Variants in CCDC91 observed in about 807,000 individuals in gnomAD.
CCDC91 encodes the protein coiled-coil domain containing 91.
CCDC91 carries 48 observed loss-of-function variants against 63.2 expected under a neutral mutation model. The observed-to-expected ratio is 0.76, with a 90% CI of 0.60 to 0.97. CCDC91 has a LOEUF of 0.97. CCDC91 is among the 50% of genes least tolerant of loss of function. The probability of loss-of-function intolerance (pLI) is 0.00; values close to 1 mark genes in which losing one functional copy is unlikely to be tolerated. For synonymous variants in CCDC91, 167 were observed against 165.8 expected (o/e 1.01, Z -0.06); for missense variants, 500 against 494.6 (o/e 1.01, Z -0.10).
chr12:28,363,363 T>G (rs1048602274), intron 7 of CCDC91, among the ~76,000 whole-genome samples: 1 of 152,212 alleles, frequency 6.6e-6, no homozygotes, highest in African/African-American at 2.4e-5. Context: ...GCTTTTCCTA[T>G]TTTTGTTACT....
intron 8 of CCDC91, among the ~76,000 whole-genome samples, chr12:28,394,166 C>T (rs1166553588): frequency 2.6e-5 from 4 of 152,052 alleles, no homozygotes; most frequent in Non-Finnish European, 5.9e-5. Flanking sequence ...TTTTTAAGTG[C>T]TACTTAAAAA....
intron 11 of CCDC91, among the ~76,000 whole-genome samples, chr12:28,462,953 G>A (rs1197206242): frequency 6.6e-6 from 1 of 152,060 alleles, no homozygotes; most frequent in East Asian, 1.9e-4. Context: ...ATTAAACAGA[G>A]GAGAAGGATG....
chr12:28,500,825 C>T (rs1592862955), intron 12 of CCDC91, among the ~76,000 whole-genome samples: 1 of 151,606 alleles, frequency 6.6e-6, no homozygotes, highest in East Asian at 1.9e-4. Context: ...ATGTTCCCTG[C>T]CCTCCCCCTA....
chr12:28,491,037 T>C (rs1592832310), intron 12 of CCDC91, among the ~76,000 whole-genome samples: 1 of 151,806 alleles, frequency 6.6e-6, no homozygotes, highest in Non-Finnish European at 1.5e-5. Context: ...AAAATCAAAA[T>C]GTAAATTTAT....
chr12:28,417,674 A>G (rs1318273677), intron 8 of CCDC91, among the ~76,000 whole-genome samples: 4 of 151,408 alleles, frequency 2.6e-5, no homozygotes, highest in Non-Finnish European at 4.4e-5. Flanking sequence ...TGATTACCAC[A>G]GTCAAACTAA....
chr12:28,512,893 T>A (rs1202361154), intron 12 of CCDC91, among the ~76,000 whole-genome samples: 1 of 151,936 alleles, frequency 6.6e-6, no homozygotes, highest in South Asian at 2.1e-4. Flanking sequence ...TAGTTAAGTA[T>A]GTCAAAATGC....
At chr12:28,391,490 C>T in intron 8 of CCDC91, 79 bp downstream of exon 8, 1 of 766,612 alleles carries the variant, frequency 1.3e-6, no homozygotes, top group Non-Finnish European at 2.1e-6. Context: ...ACTGTTTATT[C>T]AGTTCTGTTC....
At chr12:28,240,635 T>C (rs761836263) in intron 1 of CCDC91, among the ~76,000 whole-genome samples, 8 of 152,108 alleles carry the variant, frequency 5.3e-5, no homozygotes, top group Admixed American at 3.9e-4. Flanking sequence ...CCTTTTGGGA[T>C]TGGCTTTTTT....
intron 7 of CCDC91, among the ~76,000 whole-genome samples, chr12:28,367,073 C>T (rs965236221): frequency 6.6e-6 from 1 of 152,078 alleles, no homozygotes; most frequent in Non-Finnish European, 1.5e-5. Context: ...TTATATAATA[C>T]TCATATCAGG....
chr12:28,280,201 T>C (rs1948514261), intron 3 of CCDC91, among the ~76,000 whole-genome samples: 1 of 152,116 alleles, frequency 6.6e-6, no homozygotes, highest in Admixed American at 6.5e-5. Flanking sequence ...TGTATTTTGA[T>C]AATACTATAA....
intron 1 of CCDC91, among the ~76,000 whole-genome samples, chr12:28,197,073 A>G (rs1456629094): frequency 1.3e-5 from 2 of 152,192 alleles, no homozygotes; most frequent in African/African-American, 2.4e-5. Flanking sequence ...TTTTCAAAGT[A>G]ATTTATAAAA....
intron 1 of CCDC91, among the ~76,000 whole-genome samples, chr12:28,237,281 T>C (rs138286838): frequency 7.2e-4 from 85 of 118,654 alleles, no homozygotes; most frequent in African/African-American, 2.2e-3. Flanking sequence ...TTAAAAAAAG[T>C]TGTTGTAGGC....
chr12:28,418,200 C>T (rs1455998129), intron 8 of CCDC91, among the ~76,000 whole-genome samples: 1 of 152,056 alleles, frequency 6.6e-6, no homozygotes, highest in African/African-American at 2.4e-5. Context: ...TGTTCAGGTT[C>T]CTTTGGATTC....
chr12:28,223,099 A>G (rs990327235), intron 1 of CCDC91, among the ~76,000 whole-genome samples: 14 of 151,750 alleles, frequency 9.2e-5, no homozygotes, highest in South Asian at 8.3e-4. Flanking sequence ...GTAGAGGGGG[A>G]AAAAACCTAG....
At position 28,523,283 on chromosome 12, in the gene CCDC91, G is replaced by C. The variant is rs545051555; in HGVS notation, c.1216-25780G>C. 3.9e-5 allele frequency among the ~76,000 whole-genome samples: 6 copies of C among 152,238 alleles called. No homozygotes were observed. The East Asian group carries it at 1.2e-3, about 29-fold the overall frequency. ...CTGTATTGGGTGCATATATATTTAG[G>C]ATAGTTAGTTCTTCTTGTTGAATTG... is the stretch of plus-strand genomic sequence containing the variant. On this transcript the variant is annotated intron_variant, in intron 12 of 12. Transcript: ENST00000536442.
intron 10 of CCDC91, 35 bp downstream of exon 10, chr12:28,450,453 T>C (rs754510152): frequency 7.1e-7 from 1 of 1,402,394 alleles, no homozygotes. Context: ...TGCTTGTAAG[T>C]AAGTGGAATT....
intron 1 of CCDC91, among the ~76,000 whole-genome samples, chr12:28,225,112 AT>A (rs1944187992): frequency 6.6e-6 from 1 of 152,154 alleles, no homozygotes; most frequent in African/African-American, 2.4e-5. Flanking sequence ...TTCTCATCCT[AT>A]TCCAACAAAA....
In CCDC91 at chr12:28,391,286, T is replaced by G; in HGVS notation, c.655-18T>G. 6.5e-7 allele frequency: 1 copy of G among 1,533,600 alleles called. No homozygotes were observed. The highest frequency in any genetic ancestry group is 9.0e-7 in the Non-Finnish European group (1 of 1,109,880). The allele number at this position is 1,533,600 out of a possible 1,614,324, so 95.0% of individuals were successfully genotyped here. ...AAGTTTTGTCTGTGATCCAAATGAC[T>G]TTTTTGCTTGTTTTCAGGCACTACT... On this transcript the variant is annotated intron_variant, in intron 7 of 12. Coordinates refer to ENST00000536442, the MANE Select transcript of CCDC91 (RefSeq NM_018318.5).
At chr12:28,319,654 G>A (rs1445413594) in intron 6 of CCDC91, among the ~76,000 whole-genome samples, 1 of 151,538 alleles carries the variant, frequency 6.6e-6, no homozygotes, top group African/African-American at 2.4e-5. Context: ...CTAATACAAT[G>A]TGAATGCTAT....
Sources: allele counts gnomAD v4.1 joint callset (sites outside exome capture counted in the v4.1 genomes callset), GRCh38; gene constraint gnomAD v4.1.1; transcripts MANE v1.5; gene names NCBI Gene and HGNC (gene_info 2026-07-23, HGNC 2026-07-21).